The following NYAP2 variants were observed in gnomAD, a reference collection of about 807,000 sequenced individuals.
NYAP2 encodes the protein neuronal tyrosine-phosphorylated phosphoinositide-3-kinase adaptor 2.
In NYAP2, 23 loss-of-function variants were observed where a neutral mutation model predicts 50.4. The observed-to-expected ratio is 0.46, with a 90% CI of 0.33 to 0.65. The LOEUF (loss-of-function observed/expected upper bound fraction) is 0.65, where lower values mean the gene tolerates loss of function less well. Among genes scored for constraint, NYAP2 ranks in the 30% least tolerant of loss-of-function variants. NYAP2 has a pLI of 0.02. For missense variants in NYAP2, 885 were observed against 861.0 expected (o/e 1.03, Z -0.35); for synonymous variants, 394 against 365.2 (o/e 1.08, Z -0.90).
chr2:225,690,031 C>A, the NYAP2 span, among the ~76,000 whole-genome samples: 3 of 152,102 alleles, frequency 2.0e-5, no homozygotes, highest in Admixed American at 2.0e-4. Context: ...CAAATAGCTT[C>A]ATTCGGCCTT....
At chr2:225,414,689 G>A (rs532240239) in intron 3 of NYAP2, among the ~76,000 whole-genome samples, 2 of 152,066 alleles carry the variant, frequency 1.3e-5, no homozygotes, top group African/African-American at 2.4e-5. Context: ...CTTCCTTGGA[G>A]TTGACTATTT....
rs373914174 is a variant in NYAP2 at position 225,617,645 on chromosome 2, A to C, written c.1619-9272A>C. Among the ~76,000 whole-genome samples, 35 of 152,340 alleles carry C rather than the reference A, an allele frequency of 2.3e-4. No homozygotes were observed. The East Asian group carries it at 5.4e-3, about 24-fold the overall frequency. On this transcript the variant is annotated intron_variant, in intron 5 of 6. Coordinates refer to ENST00000636099, the Ensembl canonical transcript of NYAP2. ...ATTTCCAAATAAAACTCATTTTTCC[A>C]GGCAAATTACTTGTTTTTTATGGCC...
intron 3 of NYAP2, among the ~76,000 whole-genome samples, chr2:225,503,656 T>C (rs1242204173): frequency 1.3e-5 from 2 of 152,208 alleles, no homozygotes; most frequent in Non-Finnish European, 2.9e-5. Flanking sequence ...GGCAGCAATA[T>C]TAACCTCAAA....
intron 6 of NYAP2, among the ~76,000 whole-genome samples, chr2:225,630,103 TC>T (rs1239019005): frequency 6.6e-6 from 1 of 152,084 alleles, no homozygotes; most frequent in Admixed American, 6.6e-5. Flanking sequence ...CTGGATAAAA[TC>T]CTAAAAGTCT....
intron 3 of NYAP2, among the ~76,000 whole-genome samples, chr2:225,499,074 G>A (rs1189140183): frequency 7.0e-6 from 1 of 142,240 alleles, no homozygotes; most frequent in Non-Finnish European, 1.5e-5. Context: ...AATCATAAAA[G>A]GGGAAACAGA....
intron 3 of NYAP2, among the ~76,000 whole-genome samples, chr2:225,473,950 A>G (rs1690057164): frequency 6.6e-6 from 1 of 152,186 alleles, no homozygotes; most frequent in Non-Finnish European, 1.5e-5. Flanking sequence ...TAGGTCTAAC[A>G]TTTAAGTCTT....
At chr2:225,631,557 T>C (rs1433766336) in intron 6 of NYAP2, among the ~76,000 whole-genome samples, 2 of 152,188 alleles carry the variant, frequency 1.3e-5, no homozygotes, top group Non-Finnish European at 2.9e-5. Context: ...ACATATATAA[T>C]GTCAGTGCAA....
chr2:225,530,919 C>A (rs1221776130), intron 4 of NYAP2, among the ~76,000 whole-genome samples: 1 of 152,208 alleles, frequency 6.6e-6, no homozygotes, highest in Non-Finnish European at 1.5e-5. Flanking sequence ...CACCTGTTTG[C>A]ACTTTTATGC....
At chr2:225,414,499 T>C (rs938784924) in intron 3 of NYAP2, among the ~76,000 whole-genome samples, 1 of 152,008 alleles carries the variant, frequency 6.6e-6, no homozygotes, top group Non-Finnish European at 1.5e-5. Context: ...TTGAGATGGG[T>C]TGCAAAATCC....
At chr2:225,656,578 C>G (rs532074799), downstream of NYAP2, among the ~76,000 whole-genome samples, 2 of 152,202 alleles carry the variant, frequency 1.3e-5, no homozygotes, top group Admixed American at 6.5e-5. Context: ...CACCGGCTGG[C>G]AATCCTGGAT....
the NYAP2 span, among the ~76,000 whole-genome samples, chr2:225,690,236 T>C: frequency 1.3e-5 from 2 of 152,172 alleles, no homozygotes; most frequent in Non-Finnish European, 2.9e-5. Flanking sequence ...TCAATTATTT[T>C]ATAACAGATA....
intron 4 of NYAP2, among the ~76,000 whole-genome samples, chr2:225,550,678 A>C (rs1199137050): frequency 6.6e-6 from 1 of 152,218 alleles, no homozygotes; most frequent in Non-Finnish European, 1.5e-5. Context: ...ACCATGTTAG[A>C]ATGGTGATAA....
chr2:225,547,344 C>T (rs1691603337), intron 4 of NYAP2, among the ~76,000 whole-genome samples: 1 of 152,162 alleles, frequency 6.6e-6, no homozygotes, highest in Non-Finnish European at 1.5e-5. Context: ...GATCATGTGC[C>T]CTGCAAATCC....
At chr2:225,448,540 T>C (rs1045597324) in intron 3 of NYAP2, among the ~76,000 whole-genome samples, 3 of 152,180 alleles carry the variant, frequency 2.0e-5, no homozygotes, top group African/African-American at 7.2e-5. Flanking sequence ...TACACTAAAA[T>C]TATGGGTCAG....
At chr2:225,699,786 A>T in the NYAP2 span, 1 of 151,838 alleles carries the variant, frequency 6.6e-6, no homozygotes, top group East Asian at 1.9e-4. Flanking sequence ...GATGGGGTGG[A>T]TTCAATTTTA....
intron 4 of NYAP2, among the ~76,000 whole-genome samples, chr2:225,521,736 T>C (rs995284187): frequency 5.9e-5 from 9 of 152,016 alleles, no homozygotes; most frequent in South Asian, 2.1e-4. Flanking sequence ...TAAAATTCTC[T>C]TTTTTGGTTG....
chr2:225,486,727 T>A (rs1690305821), intron 3 of NYAP2, among the ~76,000 whole-genome samples: 2 of 152,162 alleles, frequency 1.3e-5, no homozygotes, highest in African/African-American at 4.8e-5. Flanking sequence ...TGTAGGTGAG[T>A]TGGCTGGAGA....
intron 5 of NYAP2, among the ~76,000 whole-genome samples, chr2:225,622,567 C>CTTTTTT (rs1693135354): frequency 3.3e-5 from 2 of 60,706 alleles, no homozygotes; most frequent in Non-Finnish European, 3.6e-5. Context: ...CTTTTTCTTT[C>CTTTTTT]TTTCTTTCTT....
Position 225,491,886 on chromosome 2 carries a change from G to T in NYAP2, c.222-21485G>T, listed in dbSNP as rs563815410. On this transcript the variant is annotated intron_variant, in intron 3 of 6. Transcript: ENST00000636099. ...TAACCATTTACTGTAGTTTATTTTC[G>T]TTATGCATTAGCTGGATGTTCTCCA... Among the ~76,000 whole-genome samples, 4 of 152,254 alleles carry T rather than the reference G, an allele frequency of 2.6e-5. No individual in the cohort carries two copies. In the South Asian group the frequency reaches 8.3e-4, roughly 32 times the overall value.
Sources: gnomAD v4.1 joint callset for allele counts (sites outside exome capture counted in the v4.1 genomes callset) on GRCh38, gnomAD v4.1.1 for gene constraint, MANE v1.5 for transcripts, NCBI Gene and HGNC (gene_info 2026-07-23, HGNC 2026-07-21) for gene names.